ADGRB3: variants seen among roughly 807,000 people sequenced by gnomAD.
ADGRB3 encodes brain-specific angiogenesis inhibitor 3.
Under a neutral mutation model 193.4 loss-of-function variants are expected in ADGRB3, and 37 were observed. The ratio of observed to expected loss-of-function variants is 0.19; its 90% confidence interval spans 0.15 to 0.25. The LOEUF (loss-of-function observed/expected upper bound fraction) is 0.25, where lower values mean the gene tolerates loss of function less well. Among genes scored for constraint, ADGRB3 ranks in the 10% least tolerant of loss-of-function variants. The probability of loss-of-function intolerance (pLI) is 1.00; values close to 1 mark genes in which losing one functional copy is unlikely to be tolerated. For missense variants in ADGRB3, 1,637 were observed against 1,852.9 expected (o/e 0.88, Z 2.14); for synonymous variants, 690 against 644.2 (o/e 1.07, Z -1.08).
At chr6:69,170,529 T>G (rs1447053764) in intron 17 of ADGRB3, among the ~76,000 whole-genome samples, 1 of 152,174 alleles carries the variant, frequency 6.6e-6, no homozygotes, top group Admixed American at 6.5e-5. Context: ...TGCCAAACTC[T>G]TATCACAGCC....
At chr6:68,891,075 A>G (rs6927848) in intron 3 of ADGRB3, among the ~76,000 whole-genome samples, 119,990 of 152,118 alleles carry the variant, frequency 0.79, 47,896 homozygotes, top group Middle Eastern at 0.85. Context: ...TAATTGTGGC[A>G]GAGGACAAGG....
At chr6:69,175,915 C>A (rs1323433126) in intron 17 of ADGRB3, among the ~76,000 whole-genome samples, 1 of 152,054 alleles carries the variant, frequency 6.6e-6, no homozygotes, top group Non-Finnish European at 1.5e-5. Context: ...GGATTGCATT[C>A]TTGATTTGGT....
chr6:69,331,616 C>A (rs1768732263), intron 23 of ADGRB3: 1 of 985,318 alleles, frequency 1.0e-6, no homozygotes, highest in Admixed American at 6.1e-5. Flanking sequence ...AGGCAAGAAT[C>A]TTAGTGCAAA....
At chr6:69,043,059 G>A (rs1771117080) in intron 13 of ADGRB3, among the ~76,000 whole-genome samples, 1 of 152,138 alleles carries the variant, frequency 6.6e-6, no homozygotes, top group East Asian at 1.9e-4. Flanking sequence ...TGCAGTTTAT[G>A]GTCTTGGCTG....
At chr6:68,700,544 A>T (rs1412956267) in intron 3 of ADGRB3, among the ~76,000 whole-genome samples, 1 of 152,054 alleles carries the variant, frequency 6.6e-6, no homozygotes, top group Non-Finnish European at 1.5e-5. Flanking sequence ...GTGTTATTTT[A>T]TTTGTAATGT....
intron 17 of ADGRB3, among the ~76,000 whole-genome samples, chr6:69,201,076 C>T (rs1429506440): frequency 1.3e-5 from 2 of 152,090 alleles, no homozygotes; most frequent in South Asian, 4.1e-4. Context: ...TGAGAACTTG[C>T]CCATAAATCA....
chr6:69,386,320 T>A (rs1383964985), intron 31 of ADGRB3, among the ~76,000 whole-genome samples: 1 of 152,026 alleles, frequency 6.6e-6, no homozygotes, highest in Non-Finnish European at 1.5e-5. Flanking sequence ...AATGAACAAA[T>A]ACTTGGAATT....
At chr6:68,824,550 C>T (rs12171550) in intron 3 of ADGRB3, among the ~76,000 whole-genome samples, 4,404 of 147,678 alleles carry the variant, frequency 0.03, 235 homozygotes, top group African/African-American at 0.1. Flanking sequence ...CATGATTATA[C>T]ATATAATATA....
chr6:68,676,215 ACCCCGT>A (rs1769081727), intron 3 of ADGRB3, among the ~76,000 whole-genome samples: 1 of 151,726 alleles, frequency 6.6e-6, no homozygotes, highest in Non-Finnish European at 1.5e-5. Context: ...ACATCACGAA[ACCCCGT>A]CTCCACTAAA....
chr6:69,050,874 C>T (rs909517709), intron 15 of ADGRB3, among the ~76,000 whole-genome samples: 1 of 152,104 alleles, frequency 6.6e-6, no homozygotes, highest in Non-Finnish European at 1.5e-5. Flanking sequence ...ATAGTGAATA[C>T]AAATGAAATA....
intron 17 of ADGRB3, among the ~76,000 whole-genome samples, chr6:69,105,585 C>G (rs1399371466): frequency 1.3e-5 from 2 of 152,178 alleles, no homozygotes; most frequent in African/African-American, 4.8e-5. Flanking sequence ...TCCCCAAACT[C>G]CCAGCCCCGT....
intron 20 of ADGRB3, among the ~76,000 whole-genome samples, chr6:69,243,937 T>G (rs1420115901): frequency 1.3e-5 from 2 of 152,100 alleles, no homozygotes; most frequent in Admixed American, 6.6e-5. Context: ...GTTAATATTT[T>G]GGGAACTACT....
intron 26 of ADGRB3, among the ~76,000 whole-genome samples, chr6:69,346,724 G>C (rs1018138695): frequency 6.6e-6 from 1 of 152,208 alleles, no homozygotes; most frequent in Non-Finnish European, 1.5e-5. Flanking sequence ...AGAGGATGTG[G>C]AGAAATAGGA....
intron 3 of ADGRB3, among the ~76,000 whole-genome samples, chr6:68,718,608 C>T (rs1582144497): frequency 1.3e-5 from 2 of 151,728 alleles, no homozygotes; most frequent in East Asian, 3.9e-4. Flanking sequence ...ATTCATTTCT[C>T]AAGACCCATT....
chr6:69,004,834 A>G (rs1384303270), intron 11 of ADGRB3, among the ~76,000 whole-genome samples: 1 of 152,176 alleles, frequency 6.6e-6, no homozygotes, highest in Non-Finnish European at 1.5e-5. Flanking sequence ...GTGAGCCTAT[A>G]ACAAGGAATC....
chr6:68,714,720 G>A (rs1002348262), intron 3 of ADGRB3, among the ~76,000 whole-genome samples: 1 of 151,736 alleles, frequency 6.6e-6, no homozygotes, highest in African/African-American at 2.4e-5. Context: ...AACAGACTGG[G>A]AAATATAAAA....
chr6:68,681,508 G>C (rs1253820158), intron 3 of ADGRB3, among the ~76,000 whole-genome samples: 1 of 151,928 alleles, frequency 6.6e-6, no homozygotes, highest in East Asian at 1.9e-4. Flanking sequence ...TCAAACTTCC[G>C]GCCTCAAGAA....
chr6:68,755,007 G>A (rs1005591700), intron 3 of ADGRB3, among the ~76,000 whole-genome samples: 49 of 152,246 alleles, frequency 3.2e-4, no homozygotes, highest in African/African-American at 1.2e-3. Context: ...GTGCATGTCT[G>A]CATAAATTTG....
Position 69,210,598 on chromosome 6 carries a change from G to T in ADGRB3, c.2481-22692G>T, listed in dbSNP as rs554961403. ...TTGTAGAGATGGGGTCCTACTGGGT[G>T]GTCTAAAACTCCTAGGCTCAAGTGA... is the stretch of plus-strand genomic sequence containing the variant. On this transcript the variant is annotated intron_variant, in intron 17 of 31. Coordinates refer to ENST00000370598, the MANE Select transcript of ADGRB3 (RefSeq NM_001704.3). 8.7e-4 allele frequency among the ~76,000 whole-genome samples: 132 copies of T among 152,156 alleles called. 1 individual carries two copies. The highest frequency in any genetic ancestry group is 3.1e-3 in the African/African-American group (130 of 41,480).
Sources: gnomAD v4.1 joint callset for allele counts (sites outside exome capture counted in the v4.1 genomes callset) on GRCh38, gnomAD v4.1.1 for gene constraint, MANE v1.5 for transcripts, NCBI Gene and HGNC (gene_info 2026-07-23, HGNC 2026-07-21) for gene names.